The following KIAA1549L variants were observed in gnomAD, a reference collection of about 807,000 sequenced individuals.
The protein encoded by KIAA1549L is KIAA1549 like.
Under a neutral mutation model 160.7 loss-of-function variants are expected in KIAA1549L, and 88 were observed. The ratio of observed to expected loss-of-function variants is 0.55; its 90% CI spans 0.46 to 0.65. The LOEUF (loss-of-function observed/expected upper bound fraction) is 0.65, where lower values mean the gene tolerates loss of function less well. Ranked by LOEUF, KIAA1549L falls within the 30% of genes least tolerant of loss-of-function variation. KIAA1549L has a pLI of 0.00. For synonymous variants in KIAA1549L, 950 were observed against 976.7 expected (o/e 0.97, Z 0.51); for missense variants, 2,258 against 2,437.5 (o/e 0.93, Z 1.55).
intron 1 of KIAA1549L, among the ~76,000 whole-genome samples, chr11:33,392,682 A>G (rs150144160): frequency 6.6e-6 from 1 of 152,132 alleles, no homozygotes; most frequent in East Asian, 1.9e-4. Flanking sequence ...TTTGTTTTTC[A>G]CCATAGTTTA....
At chr11:33,452,705 A>G (rs1015768919) in intron 1 of KIAA1549L, among the ~76,000 whole-genome samples, 1 of 152,176 alleles carries the variant, frequency 6.6e-6, no homozygotes, top group Non-Finnish European at 1.5e-5. Context: ...GAAACCTTCT[A>G]GTGATTGGCT....
chr11:33,387,028 A>G (rs1349430789), intron 1 of KIAA1549L, among the ~76,000 whole-genome samples: 1 of 151,456 alleles, frequency 6.6e-6, no homozygotes, highest in African/African-American at 2.4e-5. Context: ...AATTGTTGGA[A>G]CCCAGGAGGT....
chr11:33,422,200 G>A (rs1273088714), intron 1 of KIAA1549L, among the ~76,000 whole-genome samples: 2 of 152,014 alleles, frequency 1.3e-5, no homozygotes, highest in Admixed American at 6.5e-5. Flanking sequence ...CCACACTTTC[G>A]ATCTCTTGAA....
At position 33,485,222 on chromosome 11, in the gene KIAA1549L, C is replaced by T. The variant is rs539815276; in HGVS notation, c.239-56580C>T. On this transcript the variant is annotated intron_variant, in intron 1 of 20. Coordinates refer to ENST00000658780, the MANE Select transcript of KIAA1549L (RefSeq NM_012194.3). ...CCAAGGGGAGGAAGCATCTTGTCAACTTGCCCCTTTCGAGTCCCAAAATTT... is the reference window on the plus strand; with the variant it reads ...CCAAGGGGAGGAAGCATCTTGTCAATTTGCCCCTTTCGAGTCCCAAAATTT... 3.3e-5 allele frequency among the ~76,000 whole-genome samples: 5 copies of T among 152,326 alleles called. No homozygotes were observed. In the East Asian group the frequency reaches 9.6e-4, roughly 29 times the overall value.
chr11:33,455,598 T>A (rs1446607615), intron 1 of KIAA1549L, among the ~76,000 whole-genome samples: 1 of 152,180 alleles, frequency 6.6e-6, no homozygotes, highest in Non-Finnish European at 1.5e-5. Context: ...TTGGTTCCAT[T>A]AGAATCATAG....
intron 1 of KIAA1549L, among the ~76,000 whole-genome samples, chr11:33,521,488 A>G (rs1203715180): frequency 6.6e-6 from 1 of 152,244 alleles, no homozygotes; most frequent in Non-Finnish European, 1.5e-5. Flanking sequence ...GCAAACACTT[A>G]GAAAAATGCT....
At chr11:33,628,031 A>AT (rs1303193918) in intron 16 of KIAA1549L, among the ~76,000 whole-genome samples, 1 of 152,050 alleles carries the variant, frequency 6.6e-6, no homozygotes, top group African/African-American at 2.4e-5. Flanking sequence ...TTCTGCCTTC[A>AT]TTCGTTATGT....
At chr11:33,643,661 A>T (rs1851646749) in intron 16 of KIAA1549L, among the ~76,000 whole-genome samples, 1 of 152,142 alleles carries the variant, frequency 6.6e-6, no homozygotes, top group Non-Finnish European at 1.5e-5. Flanking sequence ...GTGCTGCAGG[A>T]TGTGCATGGG....
chr11:33,562,748 G>A (rs529068363), intron 8 of KIAA1549L, among the ~76,000 whole-genome samples: 9 of 148,432 alleles, frequency 6.1e-5, no homozygotes, highest in South Asian at 4.3e-4. Context: ...ACGCGGTCTC[G>A]GCTCACTGCA....
rs537878452 is a variant in KIAA1549L, at chr11:33,440,409, C to T, written c.238+63520C>T. Among the ~76,000 whole-genome samples the T allele has an allele frequency of 1.4e-4, 21 of 152,014 alleles. 1 individual carries two copies. The highest frequency in any genetic ancestry group is 4.3e-4 in the African/African-American group (18 of 41,496). ...CCTCCCAAAGTGCTGGGATTACAGGCGTGAGCCACCGCGCCCGGCCTATTT... is the reference window on the plus strand; with the variant it reads ...CCTCCCAAAGTGCTGGGATTACAGGTGTGAGCCACCGCGCCCGGCCTATTT... On this transcript the variant is annotated intron_variant, in intron 1 of 20. Transcript: ENST00000658780.
chr11:33,388,572 A>G (rs1226665207), intron 1 of KIAA1549L, among the ~76,000 whole-genome samples: 3 of 152,094 alleles, frequency 2.0e-5, no homozygotes, highest in Admixed American at 6.5e-5. Context: ...ATTTTTTTTT[A>G]AGATATAAAA....
At chr11:33,471,487 T>C (rs540431459) in intron 1 of KIAA1549L, among the ~76,000 whole-genome samples, 10 of 152,312 alleles carry the variant, frequency 6.6e-5, no homozygotes, top group Admixed American at 5.2e-4. Flanking sequence ...CTTCTCTCTC[T>C]CCTCATTCTC....
At position 33,464,524 on chromosome 11, in the gene KIAA1549L, G is replaced by GCC. The variant is rs71034692; in HGVS notation, c.239-77270_239-77269dup. Reference sequence around the variant, plus strand: ...TGTGTGTGTGTGTGCGTGCGCGCATGCCCCCCCCCACACACGCATTTGTAC... The same window carrying GCC: ...TGTGTGTGTGTGTGCGTGCGCGCATGCCCCCCCCCCCACACACGCATTTGTAC... On this transcript the variant is annotated intron_variant, in intron 1 of 20. Transcript: ENST00000658780. 6.9e-3 allele frequency among the ~76,000 whole-genome samples: 1,009 copies of GCC among 146,528 alleles called. 16 individuals carry two copies. The highest frequency in any genetic ancestry group is 0.018 in the African/African-American group (711 of 39,170).
At chr11:33,493,563 T>C (rs559982622) in intron 1 of KIAA1549L, among the ~76,000 whole-genome samples, 1 of 152,344 alleles carries the variant, frequency 6.6e-6, no homozygotes, top group South Asian at 2.1e-4. Flanking sequence ...TCCTGAGTCA[T>C]GTGGAGTGTT....
chr11:33,415,680 A>G (rs971144605), intron 1 of KIAA1549L, among the ~76,000 whole-genome samples: 4 of 152,188 alleles, frequency 2.6e-5, no homozygotes, highest in African/African-American at 4.8e-5. Context: ...AGTAAGCTAC[A>G]TGGCAAGTCA....
At chr11:33,561,651 T>C (rs373697644) in intron 7 of KIAA1549L, 25 bp from the exon 8 acceptor site, 1 of 1,540,408 alleles carries the variant, frequency 6.5e-7, no homozygotes. Flanking sequence ...TAAAAGTAAT[T>C]GGGTATGTTT....
chr11:33,667,398 C>CTTT (rs781207358), intron 20 of KIAA1549L, among the ~76,000 whole-genome samples: 1 of 144,794 alleles, frequency 6.9e-6, no homozygotes, highest in Non-Finnish European at 1.5e-5. Context: ...TCCAAATTAC[C>CTTT]TTTTTTTTTT....
chr11:33,406,649 C>T (rs185260714), intron 1 of KIAA1549L, among the ~76,000 whole-genome samples: 1 of 152,256 alleles, frequency 6.6e-6, no homozygotes, highest in African/African-American at 2.4e-5. Context: ...GCTCTCCACT[C>T]TGCCCTGCAC....
intron 20 of KIAA1549L, among the ~76,000 whole-genome samples, chr11:33,667,387 G>A (rs1387096502): frequency 6.6e-6 from 1 of 151,734 alleles, no homozygotes; most frequent in Non-Finnish European, 1.5e-5. Context: ...TAGTGAGTGA[G>A]TCCAAATTAC....
Sources: gnomAD v4.1 joint callset for allele counts (sites outside exome capture counted in the v4.1 genomes callset) on GRCh38, gnomAD v4.1.1 for gene constraint, MANE v1.5 for transcripts, NCBI Gene and HGNC (gene_info 2026-07-23, HGNC 2026-07-21) for gene names.